Variants in FUS observed in about 807,000 individuals in gnomAD.
The protein encoded by FUS is RNA-binding protein FUS.
In FUS, 5 loss-of-function variants were observed where a neutral mutation model predicts 82.7. That is an observed-to-expected ratio of 0.06 (90% CI 0.03 to 0.13). FUS has a LOEUF of 0.13. FUS is among the 10% of genes least tolerant of loss of function. The pLI, the probability that FUS is intolerant of heterozygous loss-of-function variation, is 1.00. For missense variants in FUS, 512 were observed against 707.8 expected, an observed-to-expected ratio of 0.72 and a Z score of 3.14; for synonymous variants, 281 against 247.4, an observed-to-expected ratio of 1.14 and a Z score of -1.27.
rs1567479382 is a variant in FUS, at chr16:31,191,552, ATGTAAT to A, written c.*120_*125del. 3.5e-6 allele frequency: 4 copies of A among 1,146,008 alleles called. No homozygotes were observed. Among genetic ancestry groups the A allele is most frequent in the Admixed American group, 3.7e-5 (2 of 54,398 alleles). 71.0% of individuals were successfully genotyped at this position (1,146,008 alleles called of 1,614,324 possible). On this transcript the variant is annotated 3_prime_UTR_variant, in exon 15 of 15. Transcript: ENST00000254108. The stretch of plus-strand genomic sequence containing the variant: ...CCCAAGGGTTTTTTTGTGTCGGACT[ATGTAAT>A]TGTAACTATACCTCTGGTTCCCATT...
chr16:31,191,681 C>G (rs1480638361), downstream of FUS: 2 of 690,352 alleles, frequency 2.9e-6, no homozygotes, highest in African/African-American at 3.5e-5. Context: ...TTTTCCTGTT[C>G]AGATTACCCT....
chr16:31,191,408 C>T lies in FUS; in HGVS notation c.1551C>T (p.His517=), dbSNP rs121909667. The change falls in exon 15 of 15, where the codon CAC becomes CAT. Residue 517 remains histidine (H), a synonymous_variant. Coordinates refer to ENST00000254108, the MANE Select transcript of FUS (RefSeq NM_004960.4). ...GPGKMDSRGE[H]RQDRRERPY Reference sequence around the variant, plus strand: ...TTTTTTTTTTTTGCAGGGGTGAGCACAGACAGGATCGCAGGGAGAGGCCGT... The same window carrying T: ...TTTTTTTTTTTTGCAGGGGTGAGCATAGACAGGATCGCAGGGAGAGGCCGT... The T allele has an allele frequency of 1.9e-6, 3 of 1,608,878 alleles. No homozygotes were observed. The highest frequency in any genetic ancestry group is 2.7e-5 in the African/African-American group (2 of 73,106).
intron 13 of FUS, 43 bp from the exon 14 acceptor site, chr16:31,190,918 CAT>C: frequency 6.2e-7 from 1 of 1,612,282 alleles, no homozygotes; most frequent in East Asian, 2.2e-5. Context: ...GCTCGGGGAA[CAT>C]AGGGGAATGG....
chr16:31,185,123 T>C lies in FUS; in HGVS notation c.708T>C (p.Ser236=). Residue 236 remains serine, a synonymous_variant, in exon 6 of 15, where the codon AGT becomes AGC. Transcript: ENST00000254108. ...GGGGGGYNRS[S]GGYEPRGRGG... is the part of the protein sequence containing the mutation. ...GCGGTGGTGGTTACAACCGCAGCAG[T>C]GGTGGCTATGAACCCAGAGGTCGTG... The C allele has an allele frequency of 6.2e-7, 1 of 1,610,212 alleles. No individual in the cohort carries two copies. Among genetic ancestry groups the C allele is most frequent in the Non-Finnish European group, 8.5e-7 (1 of 1,178,492 alleles).
chr16:31,181,913 A>G (rs1271039360), intron 1 of FUS, among the ~76,000 whole-genome samples: 2 of 152,268 alleles, frequency 1.3e-5, no homozygotes, highest in South Asian at 4.1e-4. Flanking sequence ...TCTTTATTGT[A>G]AGAACACTTG....
In FUS at chr16:31,189,164, C is replaced by T. The variant is rs1309427963; in HGVS notation, c.874C>T (p.Leu292=). The change falls in exon 9 of 15, where the codon CTG becomes TTG. Residue 292 remains leucine, a synonymous_variant. Coordinates refer to ENST00000254108, the MANE Select transcript of FUS (RefSeq NM_004960.4). ...CAACAACACCATCTTTGTGCAAGGC[C>T]TGGGTGAGAATGTTACAATTGAGTC... ...SDNNTIFVQG[L]GENVTIESVA... 6.2e-7 allele frequency: 1 copy of T among 1,613,964 alleles called. No individual in the cohort carries two copies. Among genetic ancestry groups the T allele is most frequent in the Non-Finnish European group, 8.5e-7 (1 of 1,179,936 alleles).
At chr16:31,183,261 G>A (rs2144104616) in intron 3 of FUS, 1 of 175,738 alleles carries the variant, frequency 5.7e-6, no homozygotes, top group East Asian at 1.5e-4. Flanking sequence ...AGTGTGTTGA[G>A]GCCCCATCTC....
At chr16:31,194,650 A>G (rs747847657), downstream of FUS, 3 of 489,010 alleles carry the variant, frequency 6.1e-6, no homozygotes, top group South Asian at 1.5e-5. Flanking sequence ...TATGGGGTAC[A>G]ATGTCCTATT....
chr16:31,186,641 G>C (rs966274431), intron 6 of FUS, 161 bp from the exon 7 acceptor site: 7 of 695,878 alleles, frequency 1.0e-5, no homozygotes. Flanking sequence ...ATGCTCAAAG[G>C]TCAGACAAGG....
intron 6 of FUS, chr16:31,185,441 T>C (rs2079254111): frequency 1.5e-6 from 1 of 659,558 alleles, no homozygotes; most frequent in South Asian, 1.6e-5. Context: ...AAACCATACA[T>C]AGATACGTAT....
In FUS at chr16:31,190,834, C is replaced by T. The variant is rs746343598; in HGVS notation, c.1385C>T (p.Ser462Phe). Residue 462 changes from serine (S) to phenylalanine (F), a missense_variant, in exon 13 of 15, where the codon TCT becomes TTT. This residue lies in a region of FUS where 96 missense variants were observed against 120.7 expected (regional missense o/e 0.80). Transcript: ENST00000254108. The stretch of plus-strand genomic sequence containing the variant: ...GGCCCAGGAGGGGGACCAGGTGGCT[C>T]TCACATGGGTAAGAAAGGCAGACCT... Reference protein sequence around the residue: ...PDGPGGGPGGSHMGGNYGDDR... With the variant: ...PDGPGGGPGGFHMGGNYGDDR... 6 of 1,614,106 alleles carry T rather than the reference C, an allele frequency of 3.7e-6. No individual in the cohort carries two copies. The highest frequency in any genetic ancestry group is 1.1e-5 in the South Asian group (1 of 91,084).
At chr16:31,188,703 A>G (rs771684236) in intron 8 of FUS, 17 of 485,828 alleles carry the variant, frequency 3.5e-5, no homozygotes, top group Non-Finnish European at 5.5e-5. Flanking sequence ...GAACAAAACT[A>G]GTGAAAGACC....
chr16:31,185,170 G>A lies in FUS; in HGVS notation c.755G>A (p.Gly252Asp). 1 of 1,609,282 alleles carries A rather than the reference G, an allele frequency of 6.2e-7. No individual in the cohort carries two copies. The highest frequency in any genetic ancestry group is 8.5e-7 in the Non-Finnish European group (1 of 1,177,652). Residue 252 changes from glycine to aspartate, a missense_variant, in exon 6 of 15, where the codon GGT becomes GAT. Gly to Asp is a moderately conservative substitution (Grantham distance 94). Transcript: ENST00000254108. ...RGRGGGRGGR[G>D]GMGGSDRGGF... is the part of the protein sequence containing the mutation. Reference sequence around the variant, plus strand: ...CGTGGAGGTGGCCGTGGAGGCAGAGGTGGCATGGGGTAGGTGTCTCATGAG... The same window carrying A: ...CGTGGAGGTGGCCGTGGAGGCAGAGATGGCATGGGGTAGGTGTCTCATGAG...
downstream of FUS, chr16:31,193,436 T>C (rs182437252): frequency 2.7e-3 from 1,439 of 527,736 alleles, 2 homozygotes; most frequent in Non-Finnish European, 4.3e-3. Context: ...CCTGATACGA[T>C]ATTTGAGTAG....
At chr16:31,187,548 C>G (rs540839986) in intron 7 of FUS, 2 of 229,778 alleles carry the variant, frequency 8.7e-6, no homozygotes, top group Non-Finnish European at 1.7e-5. Flanking sequence ...AGAAGTCTCC[C>G]AGTAAGCTGG....
chr16:31,191,125 C>A lies in FUS; in HGVS notation c.1541+15C>A, dbSNP rs367552616. ...ATGGATTCCAGGTAAGACTTTAAAT[C>A]AGAATAAAAAAGTAGAGCAGTTGAA... On this transcript the variant is annotated intron_variant, in intron 14 of 14. Transcript: ENST00000254108. 5.0e-6 allele frequency: 8 copies of A among 1,611,656 alleles called. No individual in the cohort carries two copies. Among genetic ancestry groups the A allele is most frequent in the Admixed American group, 1.7e-5 (1 of 59,904 alleles).
intron 12 of FUS, 158 bp from the exon 13 acceptor site, chr16:31,190,584 A>C (rs2079339678): frequency 8.6e-7 from 1 of 1,167,084 alleles, no homozygotes; most frequent in African/African-American, 1.5e-5. Context: ...GGGTTCAGTA[A>C]TACTGATTTT....
Position 31,190,948 on chromosome 16 carries a change from T to C in FUS, c.1394-15T>C, listed in dbSNP as rs777148146. On this transcript the variant is annotated splice_polypyrimidine_tract_variant and intron_variant, in intron 13 of 14. Coordinates refer to ENST00000254108, the MANE Select transcript of FUS (RefSeq NM_004960.4). Reference sequence around the variant, plus strand: ...GGGAATGGGAATATGATAGATCTTGTTTCTTTTGTCCTAGGGGGTAACTAC... The same window carrying C: ...GGGAATGGGAATATGATAGATCTTGCTTCTTTTGTCCTAGGGGGTAACTAC... 1 of 1,610,492 alleles carries C rather than the reference T, an allele frequency of 6.2e-7. No homozygotes were observed. Among genetic ancestry groups the C allele is most frequent in the South Asian group, 1.1e-5 (1 of 90,986 alleles).
At chr16:31,193,894 G>A (rs1316177382), downstream of FUS, 1 of 528,052 alleles carries the variant, frequency 1.9e-6, no homozygotes, top group South Asian at 1.5e-5. Flanking sequence ...TGACCTGCCT[G>A]CCTCAGCCTC....
Sources: gnomAD v4.1 joint callset for allele counts (sites outside exome capture counted in the v4.1 genomes callset) on GRCh38, gnomAD v4.1.1 for gene constraint, gnomAD v4.1.1 regional missense constraint, MANE v1.5 for transcripts, NCBI Gene and HGNC (gene_info 2026-07-23, HGNC 2026-07-21) for gene names.